The following ACTR3C variants were observed in gnomAD, a reference collection of about 807,000 sequenced individuals.
ACTR3C encodes the protein actin-related protein 3C.
In ACTR3C, 18 loss-of-function variants were observed where a neutral mutation model predicts 26.3. The ratio of observed to expected loss-of-function variants is 0.68; its 90% CI spans 0.47 to 1.01. The LOEUF is 1.01. Ranked by LOEUF, ACTR3C falls within the 50% of genes least tolerant of loss-of-function variation. ACTR3C has a pLI of 0.00. For synonymous variants in ACTR3C, 55 were observed against 94.5 expected (o/e 0.58, Z 2.42); for missense variants, 184 against 250.7 (o/e 0.73, Z 1.80).
chr7:150,102,113 T>C, the ACTR3C span, among the ~76,000 whole-genome samples: 1 of 151,704 alleles, frequency 6.6e-6, no homozygotes, highest in African/African-American at 2.4e-5. Flanking sequence ...CTCAGAACCA[T>C]GACCACGATG....
At chr7:149,926,087 A>G in the ACTR3C span, among the ~76,000 whole-genome samples, 1 of 152,040 alleles carries the variant, frequency 6.6e-6, no homozygotes, top group Admixed American at 6.5e-5. Flanking sequence ...GAAAAAGAAG[A>G]AAAGAAACCA....
At chr7:150,039,698 G>A in the ACTR3C span, among the ~76,000 whole-genome samples, 4 of 133,446 alleles carry the variant, frequency 3.0e-5, no homozygotes, top group African/African-American at 1.1e-4. Context: ...TCCTAAGCCG[G>A]GGGGGAAGAG....
At chr7:149,974,637 T>C in the ACTR3C span, among the ~76,000 whole-genome samples, 1 of 152,176 alleles carries the variant, frequency 6.6e-6, no homozygotes, top group Non-Finnish European at 1.5e-5. Flanking sequence ...GAACAATCAT[T>C]CCTCATCCTT....
At chr7:150,037,919 C>T in the ACTR3C span, among the ~76,000 whole-genome samples, 662 of 131,568 alleles carry the variant, frequency 5.0e-3, 43 homozygotes, top group Middle Eastern at 7.9e-3. Context: ...CCCCGCGTCG[C>T]GAGGGGTGCC....
chr7:149,928,082 G>A, the ACTR3C span, among the ~76,000 whole-genome samples: 6 of 152,242 alleles, frequency 3.9e-5, no homozygotes, highest in East Asian at 1.2e-3. Flanking sequence ...ATTTGACACT[G>A]CCTAGCAAAA....
chr7:150,131,720 A>G, the ACTR3C span, among the ~76,000 whole-genome samples: 1 of 152,156 alleles, frequency 6.6e-6, no homozygotes, highest in African/African-American at 2.4e-5. Context: ...TATCTACCCA[A>G]GAGAAACAAA....
the ACTR3C span, among the ~76,000 whole-genome samples, chr7:150,081,379 G>A: frequency 6.6e-6 from 1 of 151,596 alleles, no homozygotes; most frequent in Non-Finnish European, 1.5e-5. Flanking sequence ...GTGGAAGGGA[G>A]TAAGGAGAGG....
the ACTR3C span, among the ~76,000 whole-genome samples, chr7:150,209,536 A>G: frequency 6.6e-6 from 1 of 150,860 alleles, no homozygotes. Flanking sequence ...GTTAGGATAT[A>G]TCAAAGTTCT....
the ACTR3C span, among the ~76,000 whole-genome samples, chr7:149,964,712 A>G: frequency 6.6e-6 from 1 of 152,214 alleles, no homozygotes; most frequent in East Asian, 1.9e-4. Flanking sequence ...AGGGAAATAC[A>G]TAGTCAGATC....
At chr7:150,275,754 C>G (rs116764728) in intron 6 of ACTR3C, among the ~76,000 whole-genome samples, 1 of 149,518 alleles carries the variant, frequency 6.7e-6, no homozygotes, top group Non-Finnish European at 1.5e-5. Flanking sequence ...AAAGGAGTAA[C>G]TTCTCCTTTG....
At chr7:150,209,310 C>G in the ACTR3C span, among the ~76,000 whole-genome samples, 6 of 125,486 alleles carry the variant, frequency 4.8e-5, no homozygotes, top group East Asian at 4.2e-4. Flanking sequence ...GAGACAGAAA[C>G]AGAGAGAGAG....
chr7:150,115,018 C>A, the ACTR3C span, among the ~76,000 whole-genome samples: 2 of 152,204 alleles, frequency 1.3e-5, no homozygotes, highest in African/African-American at 4.8e-5. Context: ...ACAGAAAGTT[C>A]ATTTCTCCAT....
chr7:150,079,193 A>G, the ACTR3C span, among the ~76,000 whole-genome samples: 7 of 152,310 alleles, frequency 4.6e-5, 2 homozygotes, highest in African/African-American at 2.4e-5. Context: ...TGTAAAAAGC[A>G]TGGCACAAAG....
At chr7:150,038,439 G>C in the ACTR3C span, among the ~76,000 whole-genome samples, 1 of 142,810 alleles carries the variant, frequency 7.0e-6, no homozygotes, top group Non-Finnish European at 1.5e-5. Context: ...TGCTGTTGTT[G>C]GGATCCCCAT....
the ACTR3C span, among the ~76,000 whole-genome samples, chr7:149,997,828 G>T: frequency 6.7e-6 from 1 of 149,818 alleles, no homozygotes; most frequent in East Asian, 2.1e-4. Flanking sequence ...AAATTTAAAG[G>T]CTCTTTAGTT....
At chr7:150,243,020 T>C (rs1584808025), downstream of ACTR3C, among the ~76,000 whole-genome samples, 1 of 152,230 alleles carries the variant, frequency 6.6e-6, no homozygotes, top group African/African-American at 2.4e-5. Context: ...TTTAAAATTC[T>C]TAATAATAGT....
At chr7:150,081,013 G>A in the ACTR3C span, among the ~76,000 whole-genome samples, 1 of 152,212 alleles carries the variant, frequency 6.6e-6, no homozygotes, top group Non-Finnish European at 1.5e-5. Flanking sequence ...ACTATTCACT[G>A]AAGAGGGAAT....
the ACTR3C span, among the ~76,000 whole-genome samples, chr7:150,017,501 G>A: frequency 6.7e-6 from 1 of 150,176 alleles, no homozygotes; most frequent in African/African-American, 2.5e-5. Context: ...GCAGAGCGGG[G>A]CAAGAATAGG....
the ACTR3C span, among the ~76,000 whole-genome samples, chr7:150,165,698 C>G: frequency 6.6e-6 from 1 of 152,076 alleles, no homozygotes; most frequent in Non-Finnish European, 1.5e-5. Context: ...ACACAATCTA[C>G]TCTGAGGATT....
Sources: allele counts gnomAD v4.1 joint callset (sites outside exome capture counted in the v4.1 genomes callset), GRCh38; gene constraint gnomAD v4.1.1; transcripts MANE v1.5; gene names NCBI Gene and HGNC (gene_info 2026-07-23, HGNC 2026-07-21).